The following CCDC90B variants were observed in gnomAD, a reference collection of about 807,000 sequenced individuals.
The protein encoded by CCDC90B is coiled-coil domain containing 90B.
CCDC90B carries 24 observed loss-of-function variants against 37.0 expected under a neutral mutation model. The ratio of observed to expected loss-of-function variants is 0.65; its 90% CI spans 0.47 to 0.91. The LOEUF (loss-of-function observed/expected upper bound fraction) is 0.91, where lower values mean the gene tolerates loss of function less well. Among genes scored for constraint, CCDC90B ranks in the 40% least tolerant of loss-of-function variants. The pLI, the probability that CCDC90B is intolerant of heterozygous loss-of-function variation, is 0.00. For missense variants in CCDC90B, 319 were observed against 299.0 expected (o/e 1.07, Z -0.49); for synonymous variants, 113 against 101.1 (o/e 1.12, Z -0.71).
At chr11:83,285,534 A>T (rs1332324257) in intron 1 of CCDC90B, 6 of 1,163,808 alleles carry the variant, frequency 5.2e-6, no homozygotes, top group Non-Finnish European at 6.4e-6. Context: ...AAAACAGGAC[A>T]CCCTCAAACA....
chr11:83,282,086 TATA>T (rs1442427525), intron 1 of CCDC90B, among the ~76,000 whole-genome samples: 1 of 152,174 alleles, frequency 6.6e-6, no homozygotes, highest in Non-Finnish European at 1.5e-5. Flanking sequence ...AAGCCTACTT[TATA>T]ATAAAGTGTT....
intron 1 of CCDC90B, among the ~76,000 whole-genome samples, chr11:83,284,463 A>G (rs367806511): frequency 1.5e-4 from 23 of 152,370 alleles, no homozygotes; most frequent in African/African-American, 5.1e-4. Flanking sequence ...AAGAACAGGC[A>G]TTAACAGCAT....
chr11:83,268,582 A>G (rs1337015839), intron 7 of CCDC90B, among the ~76,000 whole-genome samples: 1 of 152,236 alleles, frequency 6.6e-6, no homozygotes, highest in Non-Finnish European at 1.5e-5. Context: ...TATGCACCCA[A>G]TACAGGAGCA....
chr11:83,262,022 A>G (rs750274168), intron 8 of CCDC90B, 56 bp from the exon 9 acceptor site: 270 of 1,201,392 alleles, frequency 2.2e-4, no homozygotes, highest in Non-Finnish European at 3.1e-4. Context: ...TTTTGCAGAG[A>G]TAAAGAGAAT....
At chr11:83,275,489 G>A (rs757011591) in intron 3 of CCDC90B, among the ~76,000 whole-genome samples, 3 of 149,726 alleles carry the variant, frequency 2.0e-5, no homozygotes, top group Non-Finnish European at 4.4e-5. Context: ...GATTTGGGAT[G>A]CTCAACTGGT....
intron 1 of CCDC90B, among the ~76,000 whole-genome samples, chr11:83,281,113 C>A (rs564070252): frequency 3.3e-5 from 5 of 152,294 alleles, no homozygotes; most frequent in Non-Finnish European, 5.9e-5. Flanking sequence ...CTTTACAGAG[C>A]CAATGGCAGA....
At chr11:83,284,364 T>A (rs684886) in intron 1 of CCDC90B, among the ~76,000 whole-genome samples, 40,144 of 152,168 alleles carry the variant, frequency 0.26, 5,483 homozygotes, top group Middle Eastern at 0.41. Context: ...CCATTAAATT[T>A]AAGCTGCAAG....
chr11:83,270,620 T>G (rs2135615330), intron 7 of CCDC90B, among the ~76,000 whole-genome samples: 1 of 152,268 alleles, frequency 6.6e-6, no homozygotes, highest in African/African-American at 2.4e-5. Context: ...CAAGGACAAC[T>G]TCAAACCACT....
chr11:83,284,371 C>T (rs1275871740), intron 1 of CCDC90B, among the ~76,000 whole-genome samples: 1 of 152,170 alleles, frequency 6.6e-6, no homozygotes, highest in Non-Finnish European at 1.5e-5. Flanking sequence ...ATTTAAGCTG[C>T]AAGTTTTATA....
chr11:83,282,468 A>G (rs1016553743), intron 1 of CCDC90B, among the ~76,000 whole-genome samples: 3 of 152,202 alleles, frequency 2.0e-5, no homozygotes, highest in African/African-American at 7.2e-5. Flanking sequence ...AAACACTCTG[A>G]ATACCAGCAG....
chr11:83,286,059 G>C lies in CCDC90B; in HGVS notation c.-87C>G. 2 of 1,543,084 alleles carry C rather than the reference G, an allele frequency of 1.3e-6. No individual in the cohort carries two copies. The highest frequency in any genetic ancestry group is 1.7e-6 in the Non-Finnish European group (2 of 1,147,430). ...GGGCAAGGTAGTTCTGGCACCACAG[G>C]AATGCTGGGAATTGTAGTTTTCGCT... On this transcript the variant is annotated 5_prime_UTR_variant, in exon 1 of 9. Coordinates refer to ENST00000529689, the MANE Select transcript of CCDC90B (RefSeq NM_021825.5).
Sources: allele counts gnomAD v4.1 joint callset (sites outside exome capture counted in the v4.1 genomes callset), GRCh38; gene constraint gnomAD v4.1.1; transcripts MANE v1.5; gene names NCBI Gene and HGNC (gene_info 2026-07-23, HGNC 2026-07-21).